SPINK14: variants seen among roughly 807,000 people sequenced by gnomAD.
SPINK14 encodes serine protease inhibitor Kazal-type 14.
A neutral mutation model predicts 14.2 loss-of-function variants in SPINK14; 6 were observed. That is an observed-to-expected ratio of 0.42 (90% confidence interval 0.23 to 0.83). SPINK14 has a LOEUF of 0.83. SPINK14 is among the 40% of genes least tolerant of loss of function. The pLI is 0.28. For missense variants in SPINK14, 86 were observed against 108.3 expected, an observed-to-expected ratio of 0.79 and a Z score of 0.91; for synonymous variants, 34 against 36.8, an observed-to-expected ratio of 0.92 and a Z score of 0.27.
At chr5:148,171,060 C>A in intron 3 of SPINK14, 87 bp downstream of exon 3, 1 of 1,260,824 alleles carries the variant, frequency 7.9e-7, no homozygotes, top group Non-Finnish European at 1.2e-6. Context: ...AACTTAATGC[C>A]TCAAGGTCAC....
chr5:148,171,053 T>C, intron 3 of SPINK14, 80 bp downstream of exon 3: 1 of 1,367,638 alleles, frequency 7.3e-7, no homozygotes, highest in Non-Finnish European at 1.0e-6. Context: ...CTGTGGAAAC[T>C]TAATGCCTCA....
At chr5:148,174,125 T>A in intron 3 of SPINK14, 109 bp from the exon 4 acceptor site, 1 of 623,136 alleles carries the variant, frequency 1.6e-6, no homozygotes, top group South Asian at 2.1e-5. Context: ...ATGACAGGCA[T>A]GAGCCACCAC....
chr5:148,169,729 A>G lies in SPINK14; in HGVS notation c.-4A>G. The G allele has an allele frequency of 1.9e-6, 3 of 1,605,874 alleles. No individual in the cohort carries two copies. The highest frequency in any genetic ancestry group is 2.3e-5 in the East Asian group (1 of 44,324). On this transcript the variant is annotated 5_prime_UTR_variant, in exon 2 of 5. Coordinates refer to ENST00000356972, the MANE Select transcript of SPINK14 (RefSeq NM_001001325.2). ...ATCATTCCAAGGACACACCAGGAGG[A>G]AAAATGGCCAAATCTTTCCCAGTAT...
chr5:148,169,833 A>G, intron 2 of SPINK14, 34 bp downstream of exon 2: 2 of 1,578,270 alleles, frequency 1.3e-6, no homozygotes, highest in East Asian at 4.5e-5. Flanking sequence ...CCAGCAGTTG[A>G]AATTGATTTG....
chr5:148,174,459 T>C lies in SPINK14; in HGVS notation c.248+89T>C, dbSNP rs534882931. 1.5e-5 allele frequency: 12 copies of C among 783,262 alleles called. 4 individuals are homozygous for C. In the South Asian group the frequency reaches 2.3e-4, roughly 15 times the overall value. 48.5% of individuals were successfully genotyped at this position (783,262 alleles called of 1,614,324 possible). A position where few individuals can be genotyped will look rare whatever the true frequency, so the allele number is the denominator to read the frequency against. ...ACCCTTCCTATCAAGTACATCAACC[T>C]TGAAGCCAGGAATTTGCTCCAGTTC... On this transcript the variant is annotated intron_variant, in intron 4 of 4. Transcript: ENST00000356972.
intron 2 of SPINK14, among the ~76,000 whole-genome samples, chr5:148,170,043 C>T (rs1282730682): frequency 6.8e-6 from 1 of 146,496 alleles, no homozygotes; most frequent in East Asian, 2.0e-4. Context: ...ATTTTAGACT[C>T]TCTCTGTCTC....
rs186339954 is a variant in SPINK14, at chr5:148,169,937, C to T, written c.67+138C>T. On this transcript the variant is annotated intron_variant, in intron 2 of 4. Transcript: ENST00000356972. ...ATATGTGTATATATATATAAATTAT[C>T]CATTGACGTGTTGCAGAGTGTATAT... is the stretch of plus-strand genomic sequence containing the variant. The T allele has an allele frequency of 2.0e-3, 682 of 335,600 alleles. 12 individuals carry two copies. The East Asian group carries it at 0.025, about 12-fold the overall frequency. The allele number at this position is 335,600 out of a possible 1,614,324, so 20.8% of individuals were successfully genotyped here.
chr5:148,171,532 A>G (rs187916065), intron 3 of SPINK14, among the ~76,000 whole-genome samples: 114 of 152,270 alleles, frequency 7.5e-4, no homozygotes, highest in Admixed American at 3.6e-3. Flanking sequence ...AGCACTGCAT[A>G]TAATGTGAGG....
chr5:148,173,596 A>C lies in SPINK14; in HGVS notation c.112-638A>C, dbSNP rs1392023034. On this transcript the variant is annotated intron_variant, in intron 3 of 4. Coordinates refer to ENST00000356972, the MANE Select transcript of SPINK14 (RefSeq NM_001001325.2). ...GAGCTGTCATAGAAAGTCTCTAAGA[A>C]TCTTTCCAGATCTAATAATTGGGGC... Among the ~76,000 whole-genome samples the C allele has an allele frequency of 2.2e-5, 2 of 92,998 alleles. 1 individual carries two copies. The highest frequency in any genetic ancestry group is 8.9e-5 in the African/African-American group (2 of 22,426). The allele number at this position is 92,998 out of a possible 152,430, so 61.0% of individuals were successfully genotyped here. A position where few individuals can be genotyped will look rare whatever the true frequency, so the allele number is the denominator to read the frequency against.
intron 3 of SPINK14, among the ~76,000 whole-genome samples, chr5:148,171,649 C>T (rs923444237): frequency 1.1e-4 from 17 of 152,218 alleles, no homozygotes; most frequent in African/African-American, 3.6e-4. Context: ...GTATTAGCAC[C>T]TTAAGCTTTT....
At chr5:148,170,881 A>G in intron 2 of SPINK14, 49 bp from the exon 3 acceptor site, 3 of 1,529,122 alleles carry the variant, frequency 2.0e-6, no homozygotes, top group Non-Finnish European at 2.7e-6. Context: ...AGATTAAGCT[A>G]TGATTTAACA....
chr5:148,172,348 G>C (rs1042158452), intron 3 of SPINK14, among the ~76,000 whole-genome samples: 3 of 152,088 alleles, frequency 2.0e-5, no homozygotes, highest in Non-Finnish European at 4.4e-5. Flanking sequence ...GAGAGCAGCA[G>C]GTGGGATTCT....
chr5:148,170,074 T>C (rs7727191), intron 2 of SPINK14, among the ~76,000 whole-genome samples: 1,338 of 123,436 alleles, frequency 0.011, 22 homozygotes, highest in African/African-American at 0.037. Context: ...TATACACACA[T>C]ATACATATAC....
intron 2 of SPINK14, 117 bp downstream of exon 2, chr5:148,169,916 G>A (rs905597084): frequency 3.4e-5 from 17 of 506,776 alleles, no homozygotes; most frequent in South Asian, 7.1e-5. Flanking sequence ...ATATATATAT[G>A]TGTATATATA....
At chr5:148,170,258 T>C (rs934693133) in intron 2 of SPINK14, among the ~76,000 whole-genome samples, 1 of 151,600 alleles carries the variant, frequency 6.6e-6, no homozygotes, top group African/African-American at 2.4e-5. Flanking sequence ...CAGAGACCTT[T>C]GTTTTGCCAT....
intron 2 of SPINK14, among the ~76,000 whole-genome samples, chr5:148,170,703 C>T (rs542379256): frequency 1.3e-5 from 2 of 152,088 alleles, no homozygotes; most frequent in Non-Finnish European, 2.9e-5. Context: ...GACTGCCAGC[C>T]TTTATGAAAC....
At chr5:148,171,655 C>T (rs1007753526) in intron 3 of SPINK14, among the ~76,000 whole-genome samples, 2 of 152,124 alleles carry the variant, frequency 1.3e-5, no homozygotes, top group Non-Finnish European at 2.9e-5. Flanking sequence ...GCACCTTAAG[C>T]TTTTGTCTAA....
Position 148,170,992 on chromosome 5 carries a change from T to TC in SPINK14, c.111+25dup, listed in dbSNP as rs773138205. Reference sequence around the variant, plus strand: ...TATTAAGGTAATGTTCCATTAAATTTCCCCCCAGGACTTACATTATAATAT... The same window carrying TC: ...TATTAAGGTAATGTTCCATTAAATTTCCCCCCCAGGACTTACATTATAATAT... On this transcript the variant is annotated intron_variant, in intron 3 of 4. Coordinates refer to ENST00000356972, the MANE Select transcript of SPINK14 (RefSeq NM_001001325.2). 12 of 1,610,250 alleles carry TC rather than the reference T, an allele frequency of 7.5e-6. No homozygotes were observed. The highest frequency in any genetic ancestry group is 9.3e-6 in the Non-Finnish European group (11 of 1,177,182).
chr5:148,173,817 C>A (rs1465449463), intron 3 of SPINK14, among the ~76,000 whole-genome samples: 2 of 88,326 alleles, frequency 2.3e-5, no homozygotes, highest in East Asian at 2.6e-4. Context: ...GGAAAGAGAG[C>A]TTTTGTGAGA....
Sources: gnomAD v4.1 joint callset for allele counts (sites outside exome capture counted in the v4.1 genomes callset) on GRCh38, gnomAD v4.1.1 for gene constraint, MANE v1.5 for transcripts, NCBI Gene and HGNC (gene_info 2026-07-23, HGNC 2026-07-21) for gene names.